CPVL: variants seen among roughly 807,000 people sequenced by gnomAD.
CPVL encodes the protein carboxypeptidase vitellogenic like.
Under a neutral mutation model 63.7 loss-of-function variants are expected in CPVL, and 51 were observed. That is an observed-to-expected ratio of 0.80 (90% confidence interval 0.64 to 1.01). The LOEUF (loss-of-function observed/expected upper bound fraction) is 1.01. Ranked by LOEUF, CPVL falls within the 50% of genes least tolerant of loss-of-function variation. The probability of loss-of-function intolerance (pLI) is 0.00; values close to 1 mark genes in which losing one functional copy is unlikely to be tolerated. For synonymous variants in CPVL, 195 were observed against 206.0 expected (o/e 0.95, Z 0.46); for missense variants, 530 against 573.1 (o/e 0.92, Z 0.77).
At chr7:29,050,297 C>T (rs1252141610) in intron 11 of CPVL, among the ~76,000 whole-genome samples, 1 of 152,168 alleles carries the variant, frequency 6.6e-6, no homozygotes, top group African/African-American at 2.4e-5. Flanking sequence ...TAAAATAATT[C>T]GACAAAGCTT....
At chr7:29,148,874 C>CA (rs951265962), upstream of CPVL, among the ~76,000 whole-genome samples, 99 of 152,206 alleles carry the variant, frequency 6.5e-4, no homozygotes, top group Middle Eastern at 3.4e-3. Flanking sequence ...GAACAGAGGA[C>CA]AGGGACCAAA....
intron 1 of CPVL, among the ~76,000 whole-genome samples, chr7:29,137,419 G>A (rs1384773539): frequency 1.3e-5 from 2 of 152,156 alleles, no homozygotes; most frequent in East Asian, 3.8e-4. Flanking sequence ...AGGGAAGCTG[G>A]CCACCTCACC....
chr7:29,015,843 TAAGC>T lies in CPVL; in HGVS notation c.1320+14730_1320+14733del, dbSNP rs199744269. 9.2e-3 allele frequency among the ~76,000 whole-genome samples: 1,399 copies of T among 152,270 alleles called. 6 individuals are homozygous for T. The highest frequency in any genetic ancestry group is 0.011 in the Non-Finnish European group (727 of 68,014). On this transcript the variant is annotated intron_variant, in intron 12 of 12. Coordinates refer to ENST00000265394, the MANE Select transcript of CPVL (RefSeq NM_031311.5). The stretch of plus-strand genomic sequence containing the variant: ...CAGATACTATTACTGTTCAAAGCCT[TAAGC>T]AAGTTTTTCAGGTGAAGCTTCTGTT...
chr7:29,093,283 A>G (rs557878953), intron 5 of CPVL, among the ~76,000 whole-genome samples: 19 of 150,392 alleles, frequency 1.3e-4, no homozygotes, highest in Admixed American at 5.9e-4. Flanking sequence ...AGGCTGAGGC[A>G]TAAGAATCAC....
intron 5 of CPVL, among the ~76,000 whole-genome samples, chr7:29,170,716 G>A (rs943885863): frequency 1.3e-5 from 2 of 152,142 alleles, no homozygotes; most frequent in South Asian, 2.1e-4. Context: ...TGATAAAGAC[G>A]TACTCGCGAC....
chr7:29,011,789 A>C lies in CPVL; in HGVS notation c.1321-15907T>G, dbSNP rs527325550. On this transcript the variant is annotated intron_variant, in intron 12 of 12. Coordinates refer to ENST00000265394, the MANE Select transcript of CPVL (RefSeq NM_031311.5). ...GTAGGAGAAACCAGAGGGTCTGAAA[A>C]CTACTATAATTTTAATTTTAGTGAT... The C allele has an allele frequency of 2.6e-5, 4 of 152,342 alleles. No individual in the cohort carries two copies. The East Asian group carries it at 7.7e-4, about 29-fold the overall frequency. The allele number at this position is 152,342 out of a possible 1,614,324, so 9.4% of individuals were successfully genotyped here.
intron 11 of CPVL, among the ~76,000 whole-genome samples, chr7:29,061,090 C>A (rs755032003): frequency 1.3e-5 from 2 of 152,156 alleles, no homozygotes; most frequent in Non-Finnish European, 2.9e-5. Context: ...AAACTCTTTT[C>A]TTTTTCTGGC....
intron 11 of CPVL, among the ~76,000 whole-genome samples, chr7:29,059,852 C>G (rs1052612593): frequency 5.3e-5 from 8 of 152,148 alleles, no homozygotes; most frequent in African/African-American, 1.9e-4. Context: ...GTTCTACTTA[C>G]AGGTTTGCTC....
At chr7:29,102,659 G>A (rs551135572) in intron 3 of CPVL, among the ~76,000 whole-genome samples, 6 of 152,200 alleles carry the variant, frequency 3.9e-5, no homozygotes, top group Admixed American at 1.3e-4. Flanking sequence ...GTCGGCCCGC[G>A]GGTCCCACAA....
chr7:29,105,498 G>A (rs1787637129), intron 3 of CPVL, among the ~76,000 whole-genome samples: 1 of 152,196 alleles, frequency 6.6e-6, no homozygotes, highest in South Asian at 2.1e-4. Flanking sequence ...AAGACTGACT[G>A]CCTTTCCTCC....
chr7:29,071,123 A>G (rs1179222574), intron 9 of CPVL, among the ~76,000 whole-genome samples: 1 of 152,186 alleles, frequency 6.6e-6, no homozygotes, highest in African/African-American at 2.4e-5. Flanking sequence ...AAAAAACAAA[A>G]AAAACCCAAC....
chr7:29,110,850 G>C (rs1431389357), intron 3 of CPVL, among the ~76,000 whole-genome samples: 1 of 152,198 alleles, frequency 6.6e-6, no homozygotes, highest in Non-Finnish European at 1.5e-5. Flanking sequence ...AGAGGTAGAA[G>C]ACAAGAGTCA....
chr7:29,107,217 G>C (rs186061308), intron 3 of CPVL, among the ~76,000 whole-genome samples: 8 of 152,344 alleles, frequency 5.3e-5, no homozygotes, highest in African/African-American at 1.9e-4. Context: ...CTGCTAGCAT[G>C]TTGGTCACAA....
intron 12 of CPVL, among the ~76,000 whole-genome samples, chr7:29,021,855 C>A (rs908932752): frequency 7.9e-5 from 12 of 152,056 alleles, no homozygotes; most frequent in African/African-American, 2.9e-4. Context: ...ATCTACATCC[C>A]TGAACCCCTG....
intron 2 of CPVL, among the ~76,000 whole-genome samples, chr7:29,120,555 G>A (rs1355731726): frequency 6.6e-6 from 1 of 152,098 alleles, no homozygotes; most frequent in African/African-American, 2.4e-5. Flanking sequence ...CAGGTGCAGT[G>A]GCTCACAGCT....
Position 29,066,125 on chromosome 7 carries a change from G to C in CPVL, c.865-4C>G, listed in dbSNP as rs1783114647. On this transcript the variant is annotated splice_region_variant and splice_polypyrimidine_tract_variant and intron_variant, in intron 9 of 12. Coordinates refer to ENST00000265394, the MANE Select transcript of CPVL (RefSeq NM_031311.5). ...CATCTAGTAGTTTATCCAGTATCTA[G>C]GTTGGGAGAGAGGGAGAAAGAAAGA... The C allele has an allele frequency of 6.9e-7, 1 of 1,441,356 alleles. No homozygotes were observed. Among genetic ancestry groups the C allele is most frequent in the South Asian group, 1.2e-5 (1 of 83,852 alleles). The allele number at this position is 1,441,356 out of a possible 1,614,324, so 89.3% of individuals were successfully genotyped here. A position where few individuals can be genotyped will look rare whatever the true frequency, so the allele number is the denominator to read the frequency against.
rs778672021 is a variant in CPVL at position 29,064,212 on chromosome 7, T to G, written c.986A>C (p.Tyr329Ser). The change falls in exon 11 of 13, where the codon TAT (tyrosine) becomes TCT (serine). Residue 329 changes from tyrosine (Y) to serine (S), a missense_variant. By Grantham distance (144) the Tyr-to-Ser change is moderately radical (BLOSUM62 -2). Coordinates refer to ENST00000265394, the MANE Select transcript of CPVL (RefSeq NM_031311.5). ...RCTEPEDQLY[Y>S]VKFLSLPEVR... The stretch of plus-strand genomic sequence containing the variant: ...CTCTGGGAGTGACAAAAATTTCACA[T>G]AGTAAAGCTGATCCTCAGGTTCCTG... 1 of 1,612,812 alleles carries G rather than the reference T, an allele frequency of 6.2e-7. No homozygotes were observed. The highest frequency in any genetic ancestry group is 8.5e-7 in the Non-Finnish European group (1 of 1,179,042).
intron 11 of CPVL, among the ~76,000 whole-genome samples, chr7:29,056,522 C>T (rs1053506386): frequency 1.3e-5 from 2 of 152,078 alleles, no homozygotes; most frequent in South Asian, 2.1e-4. Flanking sequence ...CTTGATAGCT[C>T]GTTTTTTTTA....
chr7:29,190,541 A>G (rs963981379), intron 1 of CPVL, among the ~76,000 whole-genome samples: 5 of 152,196 alleles, frequency 3.3e-5, no homozygotes, highest in African/African-American at 1.2e-4. Context: ...TTACACCACC[A>G]TAAGAGCTAC....
Sources: gnomAD v4.1 joint callset for allele counts (sites outside exome capture counted in the v4.1 genomes callset) on GRCh38, gnomAD v4.1.1 for gene constraint, MANE v1.5 for transcripts, NCBI Gene and HGNC (gene_info 2026-07-23, HGNC 2026-07-21) for gene names.